GLRB: variants seen among roughly 807,000 people sequenced by gnomAD.
The protein encoded by GLRB is glycine receptor beta, also known as glycine receptor subunit beta.
GLRB carries 33 observed loss-of-function variants against 54.2 expected under a neutral mutation model. That is an observed-to-expected ratio of 0.61 (90% confidence interval 0.46 to 0.81). The LOEUF is 0.81. Among genes scored for constraint, GLRB ranks in the 40% least tolerant of loss-of-function variants. GLRB has a pLI of 0.00. For missense variants in GLRB, 572 were observed against 584.6 expected, an observed-to-expected ratio of 0.98 and a Z score of 0.22; for synonymous variants, 209 against 208.2, an observed-to-expected ratio of 1.00 and a Z score of -0.03.
chr4:157,118,456 C>A lies in GLRB; in HGVS notation c.123-2100C>A, dbSNP rs543627619. 1.4e-4 allele frequency among the ~76,000 whole-genome samples: 21 copies of A among 151,656 alleles called. No homozygotes were observed. In the South Asian group the frequency reaches 4.4e-3, roughly 31 times the overall value. ...TGTAAGGAAGTTATAGTTTTACCTGCAATTAATTGGAAAATCTAATTACCA... is the reference window on the plus strand; with the variant it reads ...TGTAAGGAAGTTATAGTTTTACCTGAAATTAATTGGAAAATCTAATTACCA... On this transcript the variant is annotated intron_variant, in intron 2 of 9. Transcript: ENST00000264428.
At chr4:157,094,591 G>A (rs1333962166) in intron 2 of GLRB, among the ~76,000 whole-genome samples, 2 of 152,182 alleles carry the variant, frequency 1.3e-5, no homozygotes, top group Non-Finnish European at 2.9e-5. Context: ...AAGGCCAAAA[G>A]AGGGTAGCCT....
chr4:157,146,310 G>A (rs1218879855), intron 8 of GLRB, among the ~76,000 whole-genome samples: 1 of 151,686 alleles, frequency 6.6e-6, no homozygotes, highest in Non-Finnish European at 1.5e-5. Flanking sequence ...CCACTGCACC[G>A]GGCCGATTTT....
At chr4:157,106,561 A>G (rs1219149795) in intron 2 of GLRB, among the ~76,000 whole-genome samples, 2 of 152,092 alleles carry the variant, frequency 1.3e-5, no homozygotes, top group Non-Finnish European at 2.9e-5. Context: ...ATAAAACAGC[A>G]GAAGATAGGT....
At chr4:157,148,896 T>G (rs1736915719) in intron 8 of GLRB, among the ~76,000 whole-genome samples, 2 of 152,236 alleles carry the variant, frequency 1.3e-5, no homozygotes, top group South Asian at 4.1e-4. Context: ...GTGTGGTTAT[T>G]GTTATTGGTG....
chr4:157,077,918 C>T, intron 1 of GLRB, 78 bp from the exon 2 acceptor site: 1 of 929,266 alleles, frequency 1.1e-6, no homozygotes, highest in Non-Finnish European at 1.7e-6. Context: ...GGTAGTAATG[C>T]TTATACTCTT....
intron 9 of GLRB, among the ~76,000 whole-genome samples, chr4:157,154,726 CCT>C (rs1201646253): frequency 6.6e-6 from 1 of 151,900 alleles, no homozygotes; most frequent in Non-Finnish European, 1.5e-5. Flanking sequence ...TGCACTTGGC[CCT>C]CTTTTTCCTT....
chr4:157,141,906 G>A (rs2126579108), intron 7 of GLRB, among the ~76,000 whole-genome samples: 1 of 152,036 alleles, frequency 6.6e-6, no homozygotes, highest in African/African-American at 2.4e-5. Flanking sequence ...ATAGTGGGAT[G>A]GAATGGAAAA....
intron 2 of GLRB, among the ~76,000 whole-genome samples, chr4:157,095,872 G>A (rs1285040466): frequency 6.6e-6 from 1 of 152,114 alleles, no homozygotes; most frequent in Non-Finnish European, 1.5e-5. Context: ...AATATTTACT[G>A]TGCCTCAGAT....
intron 2 of GLRB, among the ~76,000 whole-genome samples, chr4:157,110,179 C>T (rs1735367213): frequency 6.6e-6 from 1 of 151,940 alleles, no homozygotes; most frequent in East Asian, 1.9e-4. Context: ...CATGAACTGC[C>T]AGTCATCTTA....
chr4:157,120,630 G>A lies in GLRB; in HGVS notation c.197G>A (p.Ser66Asn), dbSNP rs1187433274. ...AATATCTTGAACAGGTTATTGGTCA[G>A]TTATGATCCCAGGATAAGACCAAAC... ...TSNILNRLLV[S>N]YDPRIRPNFK... The change falls in exon 3 of 10, where the codon AGT becomes AAT. Residue 66 changes from serine (S) to asparagine (N), a missense_variant. Physicochemically the swap from Ser to Asn is conservative, Grantham distance 46. Transcript: ENST00000264428. 2 of 1,593,170 alleles carry A rather than the reference G, an allele frequency of 1.3e-6. No individual in the cohort carries two copies. The highest frequency in any genetic ancestry group is 2.2e-5 in the South Asian group (2 of 90,620).
At chr4:157,161,146 AT>A (rs780754471) in intron 9 of GLRB, among the ~76,000 whole-genome samples, 1 of 152,080 alleles carries the variant, frequency 6.6e-6, no homozygotes, top group Non-Finnish European at 1.5e-5. Context: ...AGAGACTATG[AT>A]TGCAACTTCT....
intron 3 of GLRB, among the ~76,000 whole-genome samples, chr4:157,121,335 T>G (rs1431033269): frequency 1.3e-5 from 2 of 151,692 alleles, no homozygotes; most frequent in African/African-American, 4.8e-5. Flanking sequence ...AGAGACCTTT[T>G]TTGTACTTTT....
chr4:157,127,314 TAGTAG>T (rs1736050078), intron 4 of GLRB, among the ~76,000 whole-genome samples: 1 of 151,802 alleles, frequency 6.6e-6, no homozygotes, highest in Non-Finnish European at 1.5e-5. Context: ...TCACATATCT[TAGTAG>T]ATTTTACATC....
chr4:157,107,565 C>G (rs1735270712), intron 2 of GLRB, among the ~76,000 whole-genome samples: 1 of 152,030 alleles, frequency 6.6e-6, no homozygotes, highest in South Asian at 2.1e-4. Flanking sequence ...AAGCAAGGCC[C>G]TAACTCTTCT....
intron 2 of GLRB, among the ~76,000 whole-genome samples, chr4:157,089,706 C>G (rs936960999): frequency 1.3e-5 from 2 of 152,160 alleles, no homozygotes; most frequent in African/African-American, 4.8e-5. Flanking sequence ...TATCAATTTT[C>G]CCCTGGGTAA....
intron 9 of GLRB, among the ~76,000 whole-genome samples, chr4:157,157,613 A>G (rs1288807112): frequency 1.3e-5 from 2 of 152,052 alleles, no homozygotes; most frequent in Admixed American, 1.3e-4. Flanking sequence ...TCTTTGCGAT[A>G]GTTTGCTCAG....
intron 2 of GLRB, among the ~76,000 whole-genome samples, chr4:157,099,002 A>C (rs1319463740): frequency 6.6e-6 from 1 of 152,072 alleles, no homozygotes; most frequent in African/African-American, 2.4e-5. Context: ...GAAGGGAGAA[A>C]CCTAACTAAA....
intron 2 of GLRB, among the ~76,000 whole-genome samples, chr4:157,091,595 C>G (rs1734618693): frequency 6.6e-6 from 1 of 152,164 alleles, no homozygotes; most frequent in Admixed American, 6.5e-5. Context: ...TCCACAGACC[C>G]CCTGCAAGTG....
intron 2 of GLRB, among the ~76,000 whole-genome samples, chr4:157,090,444 A>G (rs1734569645): frequency 6.6e-6 from 1 of 152,170 alleles, no homozygotes; most frequent in South Asian, 2.1e-4. Context: ...TTGTTGTGAT[A>G]TATTGTTTTG....
Sources: allele counts gnomAD v4.1 joint callset (sites outside exome capture counted in the v4.1 genomes callset), GRCh38; gene constraint gnomAD v4.1.1; transcripts MANE v1.5; gene names NCBI Gene and HGNC (gene_info 2026-07-23, HGNC 2026-07-21).